Variants in PSMB3 observed in about 807,000 individuals in gnomAD.
The protein encoded by PSMB3 is proteasome subunit beta type-3.
PSMB3 carries 5 observed loss-of-function variants against 23.3 expected under a neutral mutation model. The observed-to-expected ratio is 0.21, with a 90% CI of 0.11 to 0.45. The LOEUF is 0.45. Ranked by LOEUF, PSMB3 falls within the 20% of genes least tolerant of loss-of-function variation. The pLI, the probability that PSMB3 is intolerant of heterozygous loss-of-function variation, is 0.99. For missense variants in PSMB3, 192 were observed against 277.9 expected, an observed-to-expected ratio of 0.69 and a Z score of 2.20; for synonymous variants, 85 against 99.8, an observed-to-expected ratio of 0.85 and a Z score of 0.88.
At chr17:38,757,008 C>A (rs1238977811) in intron 3 of PSMB3, among the ~76,000 whole-genome samples, 1 of 140,320 alleles carries the variant, frequency 7.1e-6, no homozygotes, top group Non-Finnish European at 1.5e-5. Flanking sequence ...GCTGGGATTA[C>A]AGGTGTGTGC....
chr17:38,761,419 A>G (rs1234618869), intron 4 of PSMB3, among the ~76,000 whole-genome samples: 1 of 151,986 alleles, frequency 6.6e-6, no homozygotes, highest in Non-Finnish European at 1.5e-5. Flanking sequence ...GAGCACAAAA[A>G]CAAGTGAGAA....
At chr17:38,763,556 C>T (rs1430117583) in intron 5 of PSMB3, among the ~76,000 whole-genome samples, 9 of 126,306 alleles carry the variant, frequency 7.1e-5, no homozygotes, top group Non-Finnish European at 6.2e-5. Context: ...GGCTGGAGTG[C>T]AATGGCACTA....
At chr17:38,760,297 A>G in intron 3 of PSMB3, 134 bp from the exon 4 acceptor site, 1 of 886,584 alleles carries the variant, frequency 1.1e-6, no homozygotes, top group South Asian at 1.8e-5. Context: ...CCTCAGGGAA[A>G]GGTGATCTTC....
At chr17:38,757,849 T>G (rs1908271139) in intron 3 of PSMB3, among the ~76,000 whole-genome samples, 2 of 151,976 alleles carry the variant, frequency 1.3e-5, no homozygotes, top group Non-Finnish European at 2.9e-5. Flanking sequence ...AGAGACAAGG[T>G]TTCATCATGT....
Position 38,752,905 on chromosome 17 carries a change from G to A in PSMB3, c.3+76G>A. 6.3e-7 allele frequency: 1 copy of A among 1,591,272 alleles called. No individual in the cohort carries two copies. The highest frequency in any genetic ancestry group is 1.7e-5 in the Admixed American group (1 of 59,052). ...AGGGGGTCAGGAGAGGCTTGGGGAC[G>A]AAAAGGGCCTAGGGTCGATGGAAGG... is the stretch of plus-strand genomic sequence containing the variant. On this transcript the variant is annotated intron_variant, in intron 1 of 5. Transcript: ENST00000619426. The surrounding 1 kb of genome is among the most constrained non-coding windows in gnomAD (Gnocchi z 5.5).
At position 38,762,393 on chromosome 17, in the gene PSMB3, G is replaced by A. The variant is rs775596089; in HGVS notation, c.475-18G>A. 6.2e-7 allele frequency: 1 copy of A among 1,608,558 alleles called. No homozygotes were observed. Among genetic ancestry groups the A allele is most frequent in the Admixed American group, 1.7e-5 (1 of 59,990 alleles). ...GAGCCAGAGGCTGTGGTTTGAAGGG[G>A]TTCCACTCTGTTGGCAGGATCCGGA... On this transcript the variant is annotated intron_variant, in intron 4 of 5. Coordinates refer to ENST00000619426, the MANE Select transcript of PSMB3 (RefSeq NM_002795.4).
chr17:38,757,407 C>T (rs1271112931), intron 3 of PSMB3, among the ~76,000 whole-genome samples: 1 of 150,024 alleles, frequency 6.7e-6, no homozygotes, highest in Non-Finnish European at 1.5e-5. Flanking sequence ...TAATCCCAGC[C>T]ACTCGGGAAG....
At chr17:38,762,309 G>T (rs1908475961) in intron 4 of PSMB3, 102 bp from the exon 5 acceptor site, 1 of 971,278 alleles carries the variant, frequency 1.0e-6, no homozygotes, top group Admixed American at 1.9e-5. Flanking sequence ...CATGTCTTGG[G>T]GCCAGAGCTG....
chr17:38,757,564 C>T (rs1013648239), intron 3 of PSMB3, among the ~76,000 whole-genome samples: 1 of 151,788 alleles, frequency 6.6e-6, no homozygotes, highest in Non-Finnish European at 1.5e-5. Context: ...TGCCTGTAAT[C>T]CCAGCACTTT....
chr17:38,763,497 C>CTTTTTTTTTTTTT (rs67563765), intron 5 of PSMB3, among the ~76,000 whole-genome samples: 1 of 76,032 alleles, frequency 1.3e-5, no homozygotes. Flanking sequence ...CTTCTTCCCC[C>CTTTTTTTTTTTTT]TTTTTTTTTT....
Position 38,752,746 on chromosome 17 carries a change from T to G in PSMB3, c.-81T>G. On this transcript the variant is annotated 5_prime_UTR_variant, in exon 1 of 6. Transcript: ENST00000619426. The surrounding 1 kb of genome is among the most constrained non-coding windows in gnomAD (Gnocchi z 5.5). The stretch of plus-strand genomic sequence containing the variant: ...CTATCAGCCAATGAAGAGACAGCAG[T>G]GAGAGCGGTTGCGCAGTGAAGGCTA... 1.3e-6 allele frequency: 2 copies of G among 1,550,492 alleles called. No individual in the cohort carries two copies. Among genetic ancestry groups the G allele is most frequent in the Non-Finnish European group, 1.8e-6 (2 of 1,122,042 alleles).
At position 38,753,240 on chromosome 17, in the gene PSMB3, G is replaced by C. The variant is rs1254492885; in HGVS notation, c.94G>C (p.Ala32Pro). The C allele has an allele frequency of 6.2e-7, 1 of 1,614,212 alleles. No homozygotes were observed. Among genetic ancestry groups the C allele is most frequent in the Non-Finnish European group, 8.5e-7 (1 of 1,180,036 alleles). ...IAADRRFGIQ[A>P]QMVTTDFQKI... is the part of the protein sequence containing the mutation. ...TGCAGACAGGCGCTTCGGGATCCAG[G>C]CCCAGATGGTGACCACGGACTTCCA... Residue 32 changes from alanine (A) to proline (P), a missense_variant, in exon 2 of 6, where the codon GCC becomes CCC. Transcript: ENST00000619426.
In PSMB3 at chr17:38,753,272, C is replaced by T; in HGVS notation, c.126C>T (p.Ile42=). Residue 42 remains isoleucine (I), a synonymous_variant, in exon 2 of 6, where the codon ATC becomes ATT. Transcript: ENST00000619426. ...AQMVTTDFQK[I]FPMGDRLYIG... is the part of the protein sequence containing the mutation. ...TGGTGACCACGGACTTCCAGAAGAT[C>T]TTTCCCATGGGTGACCGGCTGTACA... The T allele has an allele frequency of 1.9e-6, 3 of 1,614,186 alleles. No homozygotes were observed. Among genetic ancestry groups the T allele is most frequent in the Non-Finnish European group, 2.5e-6 (3 of 1,180,028 alleles).
At chr17:38,756,016 A>T in intron 3 of PSMB3, 26 bp downstream of exon 3, 1 of 1,546,256 alleles carries the variant, frequency 6.5e-7, no homozygotes, top group Non-Finnish European at 8.9e-7. Flanking sequence ...GCTAGCACTG[A>T]GGGAATGCAG....
chr17:38,762,443 A>T lies in PSMB3; in HGVS notation c.507A>T (p.Gln169His), dbSNP rs779500820. 6.2e-7 allele frequency: 1 copy of T among 1,614,086 alleles called. No homozygotes were observed. The highest frequency in any genetic ancestry group is 8.5e-7 in the Non-Finnish European group (1 of 1,180,010). Residue 169 changes from glutamine (Q) to histidine (H), a missense_variant, in exon 5 of 6, where the codon CAA (glutamine) becomes CAT (histidine). Gln to His is a conservative substitution (Grantham distance 24). Coordinates refer to ENST00000619426, the MANE Select transcript of PSMB3 (RefSeq NM_002795.4). ...DPDHLFETIS[Q>H]AMLNAVDRDA... Reference sequence around the variant, plus strand: ...ATCACCTGTTTGAAACCATCTCCCAAGCCATGCTGAATGCTGTGGACCGGG... The same window carrying T: ...ATCACCTGTTTGAAACCATCTCCCATGCCATGCTGAATGCTGTGGACCGGG...
rs551638644 is a variant in PSMB3 at position 38,762,550 on chromosome 17, G to T, written c.569+45G>T. The T allele has an allele frequency of 2.4e-5, 37 of 1,541,906 alleles. No individual in the cohort carries two copies. The South Asian group carries it at 3.6e-4, about 15-fold the overall frequency. The stretch of plus-strand genomic sequence containing the variant: ...AGTCTAGAAGCTCTGCAGACACCCT[G>T]CCTCTCTCCCTTCTCCACGAGCATA... On this transcript the variant is annotated intron_variant, in intron 5 of 5. Coordinates refer to ENST00000619426, the MANE Select transcript of PSMB3 (RefSeq NM_002795.4).
chr17:38,762,786 T>C (rs1167224154), intron 5 of PSMB3, among the ~76,000 whole-genome samples: 1 of 152,294 alleles, frequency 6.6e-6, no homozygotes, highest in Middle Eastern at 3.4e-3. Context: ...GGGATCCGTG[T>C]TGGGGTGAGC....
At chr17:38,756,636 C>T (rs1028513600) in intron 3 of PSMB3, among the ~76,000 whole-genome samples, 2 of 152,020 alleles carry the variant, frequency 1.3e-5, no homozygotes, top group Admixed American at 1.3e-4. Context: ...GCTGGGACCA[C>T]AGGTCCATAT....
chr17:38,754,049 G>C (rs1324696879), intron 2 of PSMB3, among the ~76,000 whole-genome samples: 1 of 150,228 alleles, frequency 6.7e-6, no homozygotes, highest in Non-Finnish European at 1.5e-5. Context: ...GTTTTCAGGA[G>C]GGAATACGTG....
Sources: allele counts gnomAD v4.1 joint callset (sites outside exome capture counted in the v4.1 genomes callset), GRCh38; gene constraint gnomAD v4.1.1; non-coding constraint Gnocchi (gnomAD v3.1); transcripts MANE v1.5; gene names NCBI Gene and HGNC (gene_info 2026-07-23, HGNC 2026-07-21).